TLK2: variants seen among roughly 807,000 people sequenced by gnomAD.
TLK2 encodes tousled like kinase 2.
In TLK2, 6 loss-of-function variants were observed where a neutral mutation model predicts 117.3. That is an observed-to-expected ratio of 0.05 (90% CI 0.03 to 0.10). TLK2 has a LOEUF of 0.10. Ranked by LOEUF, TLK2 falls within the 10% of genes least tolerant of loss-of-function variation. TLK2 has a pLI of 1.00. For missense variants in TLK2, 299 were observed against 901.2 expected, an observed-to-expected ratio of 0.33 and a Z score of 8.56; for synonymous variants, 257 against 316.7, an observed-to-expected ratio of 0.81 and a Z score of 2.00.
rs76546011 is a variant in TLK2 at position 62,581,148 on chromosome 17, G to A, written c.1368+956G>A. Among the ~76,000 whole-genome samples, 15 of 152,098 alleles carry A rather than the reference G, an allele frequency of 9.9e-5. No homozygotes were observed. In the East Asian group the frequency reaches 2.1e-3, roughly 22 times the overall value. ...CTGCCTCAACCTCTTGAGTAGCTGGGACTACAGGCCCAGTGCACTAATTTT... is the reference window on the plus strand; with the variant it reads ...CTGCCTCAACCTCTTGAGTAGCTGGAACTACAGGCCCAGTGCACTAATTTT... On this transcript the variant is annotated intron_variant, in intron 15 of 21. Transcript: ENST00000346027.
intron 20 of TLK2, among the ~76,000 whole-genome samples, chr17:62,607,249 G>C (rs1056121095): frequency 6.6e-6 from 1 of 151,132 alleles, no homozygotes; most frequent in Non-Finnish European, 1.5e-5. Context: ...ACCAGGCGTG[G>C]TGGCTCACAC....
At chr17:62,484,626 A>G (rs1324465118) in intron 2 of TLK2, among the ~76,000 whole-genome samples, 1 of 152,104 alleles carries the variant, frequency 6.6e-6, no homozygotes, top group Non-Finnish European at 1.5e-5. Context: ...CCAGTAAGAC[A>G]TCGTACCTCT....
At chr17:62,588,444 G>GA (rs1323363053) in intron 16 of TLK2, among the ~76,000 whole-genome samples, 2 of 152,214 alleles carry the variant, frequency 1.3e-5, no homozygotes, top group Non-Finnish European at 2.9e-5. Context: ...GAGAGCACGT[G>GA]AAGGGGATGG....
At chr17:62,481,278 A>G (rs1416262970) in intron 2 of TLK2, 72 bp downstream of exon 2, 28 of 1,552,916 alleles carry the variant, frequency 1.8e-5, no homozygotes, top group Middle Eastern at 3.4e-4. Context: ...ATTAAGAGCA[A>G]TTTGGGTAGG....
In TLK2 at chr17:62,503,307, C is replaced by T. The variant is rs373000967; in HGVS notation, c.82-17466C>T. On this transcript the variant is annotated intron_variant, in intron 2 of 21. Transcript: ENST00000346027. ...TCTCCTGACCCTGTGATCCGCCTGC[C>T]TTGGCCTCCCAAAGTGCTGGAATTA... Among the ~76,000 whole-genome samples, 3 of 152,172 alleles carry T rather than the reference C, an allele frequency of 2.0e-5. No individual in the cohort carries two copies. In the South Asian group the frequency reaches 6.2e-4, roughly 32 times the overall value.
upstream of TLK2, chr17:62,477,922 G>T (rs1488322646): frequency 6.6e-6 from 1 of 152,186 alleles, no homozygotes; most frequent in East Asian, 1.9e-4. Context: ...GGAGGGCCGT[G>T]TTTTTCATCG....
At chr17:62,550,973 T>G (rs2443113) in intron 7 of TLK2, 1 of 152,130 alleles carries the variant, frequency 6.6e-6, no homozygotes, top group South Asian at 2.1e-4. Context: ...TGTGCACCAC[T>G]GTGCCTAGCT....
intron 2 of TLK2, among the ~76,000 whole-genome samples, chr17:62,514,949 A>G (rs1488420430): frequency 6.6e-6 from 1 of 152,214 alleles, no homozygotes; most frequent in Non-Finnish European, 1.5e-5. Context: ...ATACATTCAT[A>G]TTGTTTGCAT....
Position 62,562,265 on chromosome 17 carries a change from C to T in TLK2, c.831+2139C>T, listed in dbSNP as rs138895441. 8.5e-3 allele frequency among the ~76,000 whole-genome samples: 1,295 copies of T among 152,170 alleles called. 10 individuals carry two copies. The highest frequency in any genetic ancestry group is 0.012 in the Non-Finnish European group (832 of 67,994). ...ATCTTAGCTACTCTGGAGGCTGAGG[C>T]ACGAGAATCACTTGAACCTGGGAGG... On this transcript the variant is annotated intron_variant, in intron 10 of 21. Transcript: ENST00000346027.
At chr17:62,543,331 T>G (rs1422208110) in intron 7 of TLK2, among the ~76,000 whole-genome samples, 1 of 152,216 alleles carries the variant, frequency 6.6e-6, no homozygotes, top group Non-Finnish European at 1.5e-5. Context: ...TATAAGACTT[T>G]GTGTAGACAT....
upstream of TLK2, among the ~76,000 whole-genome samples, chr17:62,474,140 G>A (rs371864455): frequency 2.6e-5 from 4 of 152,060 alleles, no homozygotes; most frequent in South Asian, 2.1e-4. Context: ...GTGCAGTGGC[G>A]GGATCTTGGC....
intron 18 of TLK2, 92 bp downstream of exon 18, chr17:62,600,912 G>T: frequency 2.4e-6 from 3 of 1,270,598 alleles, no homozygotes; most frequent in Non-Finnish European, 3.2e-6. Flanking sequence ...TTTCACAGCA[G>T]CCAAGAAAGG....
chr17:62,523,498 T>G (rs1329814060), intron 5 of TLK2, among the ~76,000 whole-genome samples: 2 of 152,228 alleles, frequency 1.3e-5, no homozygotes, highest in African/African-American at 4.8e-5. Flanking sequence ...GAGGATCACT[T>G]GAGCCTGAGA....
intron 17 of TLK2, 21 bp from the exon 18 acceptor site, chr17:62,600,630 T>C: frequency 1.3e-6 from 2 of 1,579,166 alleles, no homozygotes; most frequent in Non-Finnish European, 8.6e-7. Context: ...CATGGTTAAA[T>C]ATTGGTTTAT....
intron 2 of TLK2, among the ~76,000 whole-genome samples, chr17:62,514,732 C>T (rs2145356472): frequency 6.6e-6 from 1 of 152,120 alleles, no homozygotes; most frequent in South Asian, 2.1e-4. Context: ...GCGCCCGCCA[C>T]CACACCCAGC....
chr17:62,487,781 G>A (rs191371761), intron 2 of TLK2, among the ~76,000 whole-genome samples: 2 of 150,714 alleles, frequency 1.3e-5, no homozygotes, highest in African/African-American at 4.9e-5. Flanking sequence ...GCGCCAACAC[G>A]CCCGGCTAAT....
At chr17:62,608,188 C>G (rs1379469641) in intron 21 of TLK2, 40 bp downstream of exon 21, 1 of 1,540,144 alleles carries the variant, frequency 6.5e-7, no homozygotes, top group Admixed American at 1.8e-5. Flanking sequence ...GAAACGGCTG[C>G]TTTGCTTTCT....
At chr17:62,580,697 C>T (rs1234387133) in intron 15 of TLK2, among the ~76,000 whole-genome samples, 1 of 152,172 alleles carries the variant, frequency 6.6e-6, no homozygotes, top group Non-Finnish European at 1.5e-5. Context: ...GTACAGGCTG[C>T]TGAGCTTCCA....
intron 2 of TLK2, among the ~76,000 whole-genome samples, chr17:62,504,419 C>A (rs1317757865): frequency 1.3e-5 from 2 of 152,188 alleles, no homozygotes; most frequent in Admixed American, 6.5e-5. Flanking sequence ...ACCTATTTGA[C>A]TTTAAACTGT....
Sources: gnomAD v4.1 joint callset for allele counts (sites outside exome capture counted in the v4.1 genomes callset) on GRCh38, gnomAD v4.1.1 for gene constraint, MANE v1.5 for transcripts, NCBI Gene and HGNC (gene_info 2026-07-23, HGNC 2026-07-21) for gene names.